ODR4: variants seen among roughly 807,000 people sequenced by gnomAD.
ODR4 encodes the protein odr-4 GPCR localization factor homolog, also known as protein odr-4 homolog.
ODR4 carries 47 observed loss-of-function variants against 60.2 expected under a neutral mutation model. That is an observed-to-expected ratio of 0.78 (90% confidence interval 0.62 to 1.00). The LOEUF is 1.00. Ranked by LOEUF, ODR4 falls within the 50% of genes least tolerant of loss-of-function variation. The pLI, the probability that ODR4 is intolerant of heterozygous loss-of-function variation, is 0.00. For synonymous variants in ODR4, 178 were observed against 175.5 expected (o/e 1.01, Z -0.11); for missense variants, 488 against 530.8 (o/e 0.92, Z 0.79).
At chr1:186,418,224 A>T (rs1191657611) in intron 13 of ODR4, among the ~76,000 whole-genome samples, 1 of 150,184 alleles carries the variant, frequency 6.7e-6, no homozygotes, top group East Asian at 1.9e-4. Flanking sequence ...AATTTAATTA[A>T]TTTTTTTGTA....
At chr1:186,412,516 A>G (rs910410424) in intron 12 of ODR4, among the ~76,000 whole-genome samples, 2 of 152,206 alleles carry the variant, frequency 1.3e-5, no homozygotes, top group African/African-American at 4.8e-5. Flanking sequence ...AAGGAATGAT[A>G]TAGTAATTCT....
chr1:186,408,154 G>A (rs1263495474), intron 12 of ODR4, among the ~76,000 whole-genome samples: 1 of 152,064 alleles, frequency 6.6e-6, no homozygotes, highest in African/African-American at 2.4e-5. Context: ...TTCCAGATGA[G>A]AGAATTAAGG....
rs1661740138 is a variant in ODR4 at position 186,420,618 on chromosome 1, GAAAA to G, written c.*1545_*1548del. ...AAATGAGAAATATTTATTGAAATAA[GAAAA>G]AAGCCCTCAGACATGTTGAATATTT... is the stretch of plus-strand genomic sequence containing the variant. On this transcript the variant is annotated 3_prime_UTR_variant, in exon 14 of 14. Coordinates refer to ENST00000287859, the MANE Select transcript of ODR4 (RefSeq NM_017847.6). 1 of 152,038 alleles carries G rather than the reference GAAAA, an allele frequency of 6.6e-6. No homozygotes were observed. The highest frequency in any genetic ancestry group is 1.5e-5 in the Non-Finnish European group (1 of 67,976). The allele number at this position is 152,038 out of a possible 1,614,324, so 9.4% of individuals were successfully genotyped here.
intron 11 of ODR4, among the ~76,000 whole-genome samples, chr1:186,403,535 A>G (rs1239783399): frequency 6.6e-6 from 1 of 152,040 alleles, no homozygotes; most frequent in Non-Finnish European, 1.5e-5. Flanking sequence ...AATTAACCTG[A>G]ATTAGAGTAT....
At chr1:186,416,814 C>A (rs1043864438) in intron 12 of ODR4, among the ~76,000 whole-genome samples, 3 of 146,028 alleles carry the variant, frequency 2.1e-5, no homozygotes, top group Non-Finnish European at 4.5e-5. Flanking sequence ...TGAGATCATG[C>A]CACCGCACTC....
At chr1:186,379,951 G>C (rs1659962562) in intron 2 of ODR4, 67 bp downstream of exon 2, 1 of 964,302 alleles carries the variant, frequency 1.0e-6, no homozygotes, top group African/African-American at 1.7e-5. Flanking sequence ...AAAATTACTT[G>C]TTGATTTAAA....
chr1:186,389,019 G>C (rs900758999), intron 5 of ODR4, among the ~76,000 whole-genome samples: 12 of 152,162 alleles, frequency 7.9e-5, no homozygotes, highest in Non-Finnish European at 1.6e-4. Context: ...CTAAAAGCCA[G>C]TTACACGGCC....
chr1:186,377,314 A>G (rs1449234964), intron 1 of ODR4, among the ~76,000 whole-genome samples: 1 of 152,214 alleles, frequency 6.6e-6, no homozygotes. Context: ...AGCTGACTAT[A>G]TACATTTTTA....
Position 186,383,062 on chromosome 1 carries a change from C to T in ODR4, c.140C>T (p.Thr47Met), listed in dbSNP as rs772921190. Reference protein sequence around the residue: ...QKDYVILATRTPPKEEQSENL... With the variant: ...QKDYVILATRMPPKEEQSENL... ...GATTATGTGATTCTTGCCACTAGAA[C>T]GCCACCCAAAGAGGAGCAAAGTGAG... Residue 47 changes from threonine (T) to methionine (M), a missense_variant, in exon 3 of 14, where the codon ACG (threonine) becomes ATG (methionine). Coordinates refer to ENST00000287859, the MANE Select transcript of ODR4 (RefSeq NM_017847.6). 18 of 1,580,902 alleles carry T rather than the reference C, an allele frequency of 1.1e-5. 1 individual carries two copies. The East Asian group carries it at 1.1e-4, about 10-fold the overall frequency.
chr1:186,393,552 G>A (rs1055489529), intron 8 of ODR4, among the ~76,000 whole-genome samples: 1 of 152,222 alleles, frequency 6.6e-6, no homozygotes, highest in Non-Finnish European at 1.5e-5. Flanking sequence ...AACTTTATGT[G>A]AAGAGAAAAA....
Position 186,377,169 on chromosome 1 carries a change from GTTATA to G in ODR4, c.-20+1203_-20+1207del, listed in dbSNP as rs140321246. On this transcript the variant is annotated intron_variant, in intron 1 of 13. Coordinates refer to ENST00000287859, the MANE Select transcript of ODR4 (RefSeq NM_017847.6). ...CTAATACAATGTAAATGCTATAGTTGTTATATTATATTGTTTAGGGAATAGTGACA... is the reference window on the plus strand; with the variant it reads ...CTAATACAATGTAAATGCTATAGTTGTTATATTGTTTAGGGAATAGTGACA... Among the ~76,000 whole-genome samples, 920 of 152,118 alleles carry G rather than the reference GTTATA, an allele frequency of 6.0e-3. 4 individuals carry two copies. Among genetic ancestry groups the G allele is most frequent in the Non-Finnish European group, 7.7e-3 (524 of 68,018 alleles).
intron 13 of ODR4, among the ~76,000 whole-genome samples, chr1:186,417,896 A>G (rs1327194894): frequency 6.6e-6 from 1 of 152,194 alleles, no homozygotes; most frequent in African/African-American, 2.4e-5. Flanking sequence ...TAAAAGAAAA[A>G]GCTGCAGAGT....
intron 3 of ODR4, among the ~76,000 whole-genome samples, chr1:186,384,572 G>GACACACACACACACACACACAC (rs368870659): frequency 4.5e-4 from 58 of 129,638 alleles, no homozygotes; most frequent in African/African-American, 1.5e-3. Flanking sequence ...AATTGTATAT[G>GACACACACACACACACACACAC]ACACACACAC....
intron 11 of ODR4, chr1:186,401,319 G>A: frequency 1.4e-6 from 1 of 704,476 alleles, no homozygotes; most frequent in East Asian, 3.3e-5. Context: ...GTTTTTACTG[G>A]CAATTGGGTG....
chr1:186,377,670 C>T (rs1051306679), intron 1 of ODR4, among the ~76,000 whole-genome samples: 1 of 152,128 alleles, frequency 6.6e-6, no homozygotes, highest in Non-Finnish European at 1.5e-5. Flanking sequence ...ACAGAGGCAA[C>T]AGTGATATTT....
chr1:186,404,293 C>T (rs1330531304), intron 11 of ODR4, among the ~76,000 whole-genome samples: 2 of 152,106 alleles, frequency 1.3e-5, no homozygotes, highest in African/African-American at 2.4e-5. Flanking sequence ...CAACAGAAAA[C>T]GAGTCTTACT....
intron 1 of ODR4, among the ~76,000 whole-genome samples, chr1:186,376,277 A>G (rs1432575842): frequency 2.6e-5 from 4 of 152,270 alleles, no homozygotes; most frequent in African/African-American, 9.6e-5. Flanking sequence ...AGAAACGGTT[A>G]CCTAACATTA....
Position 186,405,752 on chromosome 1 carries a change from A to G in ODR4, c.1001-331A>G, listed in dbSNP as rs187055645. On this transcript the variant is annotated intron_variant, in intron 11 of 13. Transcript: ENST00000287859. ...TTTTTAGTAGAAACGGGGTTTCACC[A>G]TGTTGGCCACGTTGGTCTCCAACTC... 1.4e-4 allele frequency among the ~76,000 whole-genome samples: 22 copies of G among 152,186 alleles called. No homozygotes were observed. The East Asian group carries it at 4.1e-3, about 28-fold the overall frequency.
At chr1:186,390,974 G>A (rs1660447025) in intron 7 of ODR4, 123 bp downstream of exon 7, 2 of 1,055,636 alleles carry the variant, frequency 1.9e-6, no homozygotes, top group Admixed American at 5.9e-5. Flanking sequence ...ATGTTGTTAT[G>A]TGAGTAACTT....
Sources: allele counts gnomAD v4.1 joint callset (sites outside exome capture counted in the v4.1 genomes callset), GRCh38; gene constraint gnomAD v4.1.1; transcripts MANE v1.5; gene names NCBI Gene and HGNC (gene_info 2026-07-23, HGNC 2026-07-21).